Variants in EYA4 observed in about 807,000 individuals in gnomAD.
EYA4 encodes EYA transcriptional coactivator and phosphatase 4, also known as protein phosphatase EYA4.
EYA4 carries 31 observed loss-of-function variants against 87.9 expected under a neutral mutation model. That is an observed-to-expected ratio of 0.35 (90% confidence interval 0.27 to 0.48). The LOEUF (loss-of-function observed/expected upper bound fraction) is 0.48. Among genes scored for constraint, EYA4 ranks in the 20% least tolerant of loss-of-function variants. The probability of loss-of-function intolerance (pLI) is 0.99; values close to 1 mark genes in which losing one functional copy is unlikely to be tolerated. For missense variants in EYA4, 678 were observed against 761.4 expected (o/e 0.89, Z 1.29); for synonymous variants, 263 against 270.6 (o/e 0.97, Z 0.28).
intron 1 of EYA4, among the ~76,000 whole-genome samples, chr6:133,273,097 G>GTGTA (rs142020137): frequency 4.7e-5 from 5 of 106,638 alleles, no homozygotes; most frequent in Non-Finnish European, 7.9e-5. Context: ...ATATATATAT[G>GTGTA]TATATATATA....
At chr6:133,481,699 C>G in intron 12 of EYA4, 100 bp downstream of exon 12, 2 of 1,349,746 alleles carry the variant, frequency 1.5e-6, no homozygotes, top group Non-Finnish European at 2.1e-6. Flanking sequence ...ATTTAAAAAT[C>G]AAGATATATC....
chr6:133,456,466 A>G (rs1793911828), intron 5 of EYA4, 90 bp from the exon 6 acceptor site: 5 of 913,920 alleles, frequency 5.5e-6, no homozygotes, highest in Non-Finnish European at 7.4e-6. Flanking sequence ...TTGCATGCCC[A>G]TGGTAGCTAG....
intron 3 of EYA4, among the ~76,000 whole-genome samples, chr6:133,429,015 C>T (rs1055201242): frequency 1.4e-5 from 2 of 140,942 alleles, no homozygotes; most frequent in African/African-American, 2.6e-5. Context: ...CAACCTCTAC[C>T]TCCCAGGTTC....
intron 11 of EYA4, among the ~76,000 whole-genome samples, chr6:133,480,517 C>CCA (rs1477045423): frequency 1.1e-4 from 17 of 151,974 alleles, no homozygotes; most frequent in Non-Finnish European, 2.2e-4. Context: ...GGACTGAGAT[C>CCA]CAGTATAAGC....
At chr6:133,465,106 C>A (rs1477587060) in intron 10 of EYA4, among the ~76,000 whole-genome samples, 1 of 152,016 alleles carries the variant, frequency 6.6e-6, no homozygotes. Flanking sequence ...TTGTTTTAAT[C>A]ATTTGGCATG....
chr6:133,395,231 A>ATT lies in EYA4; in HGVS notation c.83+12804_83+12805dup, dbSNP rs11399757. Among the ~76,000 whole-genome samples the ATT allele has an allele frequency of 5.4e-3, 770 of 142,774 alleles. 5 individuals carry two copies. Among genetic ancestry groups the ATT allele is most frequent in the African/African-American group, 7.1e-3 (277 of 38,748 alleles). 93.7% of individuals were successfully genotyped at this position (142,774 alleles called of 152,430 possible). On this transcript the variant is annotated intron_variant, in intron 3 of 19. Transcript: ENST00000355286. ...ACTCAAGCATCTGGATCACTTAGGG[A>ATT]TTTTTTTTTTTTTTTCTCCAATCCA...
In EYA4 at chr6:133,525,167, C is replaced by T. The variant is rs771515273; in HGVS notation, c.1752C>T (p.Cys584=). ...TTTATCTTCCAGGAAAAGAAAGTTG[C>T]TTTGAACGAATAATGCAAAGGTTTG... ...YSATKIGKES[C]FERIMQRFGR... The change falls in exon 19 of 20, where the codon TGC becomes TGT. Residue 584 remains cysteine (C), a synonymous_variant. Coordinates refer to ENST00000355286, the MANE Select transcript of EYA4 (RefSeq NM_004100.5). 3.7e-6 allele frequency: 6 copies of T among 1,613,592 alleles called. No individual in the cohort carries two copies. Among genetic ancestry groups the T allele is most frequent in the Non-Finnish European group, 4.2e-6 (5 of 1,179,782 alleles).
intron 2 of EYA4, among the ~76,000 whole-genome samples, chr6:133,315,793 A>G (rs554517748): frequency 6.6e-6 from 1 of 152,330 alleles, no homozygotes; most frequent in Admixed American, 6.5e-5. Context: ...TCATTTTAAA[A>G]GCATTTTTCC....
At chr6:133,434,446 A>T (rs1432299612) in intron 3 of EYA4, among the ~76,000 whole-genome samples, 1 of 152,172 alleles carries the variant, frequency 6.6e-6, no homozygotes, top group African/African-American at 2.4e-5. Context: ...TTTATGAAGG[A>T]TGCACTGTAG....
At chr6:133,389,551 A>G (rs891128333) in intron 3 of EYA4, among the ~76,000 whole-genome samples, 10 of 152,156 alleles carry the variant, frequency 6.6e-5, no homozygotes, top group African/African-American at 1.9e-4. Flanking sequence ...AAATACACAA[A>G]TCTGGCTTGC....
At chr6:133,488,590 G>T (rs1796877479) in intron 13 of EYA4, among the ~76,000 whole-genome samples, 1 of 152,126 alleles carries the variant, frequency 6.6e-6, no homozygotes, top group African/African-American at 2.4e-5. Context: ...TAAGGGAATA[G>T]AACAAAAGTC....
rs1790516674 is a variant in EYA4, at chr6:133,424,738, C to G, written c.84-21892C>G. Among the ~76,000 whole-genome samples, 2 of 150,876 alleles carry G rather than the reference C, an allele frequency of 1.3e-5. 1 individual carries two copies. Among genetic ancestry groups the G allele is most frequent in the African/African-American group, 4.9e-5 (2 of 40,408 alleles). On this transcript the variant is annotated intron_variant, in intron 3 of 19. Coordinates refer to ENST00000355286, the MANE Select transcript of EYA4 (RefSeq NM_004100.5). ...GTGGGTCAGGTGGCTGCAGCTGCACCCAGGAGGGCAGATTCTGCCTGTTCT... is the reference window on the plus strand; with the variant it reads ...GTGGGTCAGGTGGCTGCAGCTGCACGCAGGAGGGCAGATTCTGCCTGTTCT...
intron 3 of EYA4, among the ~76,000 whole-genome samples, chr6:133,435,976 T>C (rs1562418386): frequency 6.6e-6 from 1 of 152,050 alleles, no homozygotes; most frequent in Admixed American, 6.5e-5. Flanking sequence ...ATCCAAGCAC[T>C]TTGGGAGGCT....
intron 2 of EYA4, among the ~76,000 whole-genome samples, chr6:133,342,979 T>C (rs1782914848): frequency 6.6e-6 from 1 of 152,196 alleles, no homozygotes; most frequent in Admixed American, 6.5e-5. Context: ...TAATTTATTT[T>C]CTAATTTATA....
intron 14 of EYA4, among the ~76,000 whole-genome samples, chr6:133,509,160 C>CAGTT (rs1266501312): frequency 1.3e-5 from 2 of 152,146 alleles, no homozygotes; most frequent in Non-Finnish European, 2.9e-5. Context: ...GCATTCAGTA[C>CAGTT]AGTTACATAC....
At chr6:133,501,913 G>A (rs534339612) in intron 13 of EYA4, among the ~76,000 whole-genome samples, 1 of 152,314 alleles carries the variant, frequency 6.6e-6, no homozygotes, top group African/African-American at 2.4e-5. Flanking sequence ...TGTTCACATG[G>A]CTAATAGGCG....
chr6:133,396,709 T>C (rs981972143), intron 3 of EYA4, among the ~76,000 whole-genome samples: 1 of 152,042 alleles, frequency 6.6e-6, no homozygotes, highest in East Asian at 1.9e-4. Flanking sequence ...AGAGGGTGTG[T>C]TTGTGTGTGT....
At chr6:133,381,010 C>G (rs1216615741) in intron 2 of EYA4, among the ~76,000 whole-genome samples, 1 of 149,310 alleles carries the variant, frequency 6.7e-6, no homozygotes, top group Non-Finnish European at 1.5e-5. Flanking sequence ...TTTCCTCATC[C>G]CCTCCTCCTT....
intron 2 of EYA4, among the ~76,000 whole-genome samples, chr6:133,357,270 CAAAAAAAAAA>C (rs754202361): frequency 3.1e-5 from 2 of 65,320 alleles, no homozygotes; most frequent in African/African-American, 6.6e-5. Context: ...GACTCCGTCT[CAAAAAAAAAA>C]AAAAAAAAAA....
Sources: allele counts gnomAD v4.1 joint callset (sites outside exome capture counted in the v4.1 genomes callset), GRCh38; gene constraint gnomAD v4.1.1; transcripts MANE v1.5; gene names NCBI Gene and HGNC (gene_info 2026-07-23, HGNC 2026-07-21).